Variants in MISP observed in about 807,000 individuals in gnomAD.
MISP encodes the protein mitotic spindle positioning.
Under a neutral mutation model 49.3 loss-of-function variants are expected in MISP, and 51 were observed. The observed-to-expected ratio is 1.03, with a 90% CI of 0.83 to 1.31. The LOEUF is 1.31. Among genes scored for constraint, MISP ranks in the 50% most tolerant of loss-of-function variants. The pLI is 0.00. For missense variants in MISP, 1,084 were observed against 935.1 expected, an observed-to-expected ratio of 1.16 and a Z score of -2.08; for synonymous variants, 444 against 392.6, an observed-to-expected ratio of 1.13 and a Z score of -1.55.
At chr19:750,038 G>A (rs2033435084), upstream of MISP, among the ~76,000 whole-genome samples, 1 of 151,968 alleles carries the variant, frequency 6.6e-6, no homozygotes, top group African/African-American at 2.4e-5. Flanking sequence ...AGGCCCAGTG[G>A]CCCGACTTCC....
At chr19:755,257 CG>C (rs1178356938) in intron 1 of MISP, among the ~76,000 whole-genome samples, 10 of 152,178 alleles carry the variant, frequency 6.6e-5, no homozygotes, top group Admixed American at 2.6e-4. Flanking sequence ...GGGCGAGAGC[CG>C]GAAGGCACTG....
rs770035314 is a variant in MISP at position 757,636 on chromosome 19, C to T, written c.690C>T (p.Ala230=). ...GCACAACCCCAGGGGCCAGCCAGGC[C>T]CCCAAGGCCTTCAACAAGCCCCACC... ...PAGTTPGASQ[A]PKAFNKPHLA... Residue 230 remains alanine (A), a synonymous_variant, in exon 2 of 5, where the codon GCC becomes GCT. Coordinates refer to ENST00000215582, the MANE Select transcript of MISP (RefSeq NM_173481.4). 6.2e-7 allele frequency: 1 copy of T among 1,612,756 alleles called. No individual in the cohort carries two copies. The highest frequency in any genetic ancestry group is 1.3e-5 in the African/African-American group (1 of 74,932).
At chr19:756,137 G>T (rs549957111) in intron 1 of MISP, among the ~76,000 whole-genome samples, 1 of 152,304 alleles carries the variant, frequency 6.6e-6, no homozygotes, top group East Asian at 1.9e-4. Flanking sequence ...TGCTTTGCTG[G>T]TGTTGGGGTT....
Position 762,518 on chromosome 19 carries a change from G to T in MISP, c.1950+855G>T, listed in dbSNP as rs1383708917. On this transcript the variant is annotated intron_variant, in intron 4 of 4. Transcript: ENST00000215582. ...TCCTCCCGCCTCCACCTCCCAAAGT[G>T]CTGGGATTACAGGTGTGAGCCACCG... Among the ~76,000 whole-genome samples, 9 of 152,182 alleles carry T rather than the reference G, an allele frequency of 5.9e-5. 1 individual carries two copies. The highest frequency in any genetic ancestry group is 1.0e-4 in the Non-Finnish European group (7 of 68,040).
Position 758,408 on chromosome 19 carries a change from C to T in MISP, c.1462C>T (p.Pro488Ser). Residue 488 changes from proline to serine, a missense_variant, in exon 2 of 5, where the codon CCT (proline) becomes TCT (serine). Coordinates refer to ENST00000215582, the MANE Select transcript of MISP (RefSeq NM_173481.4). ...CACAAAGCAAGAGGCATCGAAGCCC[C>T]CTCGGGGATGCCCGCAAGCCAACAG... ...LSTKQEASKP[P>S]RGCPQANRGV... 1 of 1,614,210 alleles carries T rather than the reference C, an allele frequency of 6.2e-7. No homozygotes were observed. The highest frequency in any genetic ancestry group is 8.5e-7 in the Non-Finnish European group (1 of 1,180,032).
At chr19:752,267 C>T (rs1249147193) in intron 1 of MISP, among the ~76,000 whole-genome samples, 1 of 152,190 alleles carries the variant, frequency 6.6e-6, no homozygotes, top group East Asian at 1.9e-4. Context: ...GGCTCTTCCC[C>T]CGAGGGCAGC....
Position 758,698 on chromosome 19 carries a change from G to C in MISP, c.1752G>C (p.Gln584His), listed in dbSNP as rs754524089. The change falls in exon 2 of 5, where the codon CAG becomes CAC. Residue 584 changes from glutamine to histidine, a missense_variant. Coordinates refer to ENST00000215582, the MANE Select transcript of MISP (RefSeq NM_173481.4). ...CAACGCCAGATGAGAACTCTGACCAGAACTCCAGGAGCTCCTCCCAGGCAT... is the reference window on the plus strand; with the variant it reads ...CAACGCCAGATGAGAACTCTGACCACAACTCCAGGAGCTCCTCCCAGGCAT... Reference protein sequence around the residue: ...FSPTPDENSDQNSRSSSQASG... With the variant: ...FSPTPDENSDHNSRSSSQASG... 5.0e-6 allele frequency: 8 copies of C among 1,613,754 alleles called. No homozygotes were observed. In the East Asian group the frequency reaches 1.8e-4, roughly 36 times the overall value.
Position 763,531 on chromosome 19 carries a change from A to G in MISP, c.1981A>G (p.Lys661Glu). The change falls in exon 5 of 5, where the codon AAG becomes GAG. Residue 661 changes from lysine (K) to glutamate (E), a missense_variant. Physicochemically the swap from Lys to Glu is moderately conservative, Grantham distance 56. Coordinates refer to ENST00000215582, the MANE Select transcript of MISP (RefSeq NM_173481.4). ...GGAAGCCATACGGGTGACCCGTCACAAGAACGCCATGGCAGAGCGCTGGGA... is the reference window on the plus strand; with the variant it reads ...GGAAGCCATACGGGTGACCCGTCACGAGAACGCCATGGCAGAGCGCTGGGA... The part of the protein sequence containing the change: ...VLEAIRVTRH[K>E]NAMAERWESR... 1 of 1,614,122 alleles carries G rather than the reference A, an allele frequency of 6.2e-7. No individual in the cohort carries two copies. The highest frequency in any genetic ancestry group is 8.5e-7 in the Non-Finnish European group (1 of 1,180,002).
chr19:750,583 C>A (rs12459842), upstream of MISP, among the ~76,000 whole-genome samples: 3 of 152,098 alleles, frequency 2.0e-5, no homozygotes, highest in African/African-American at 7.2e-5. Flanking sequence ...TGTTCCCCCA[C>A]GTCCCGGAGG....
rs762779634 is a variant in MISP at position 757,600 on chromosome 19, G to A, written c.654G>A (p.Gly218=). 6.2e-6 allele frequency: 10 copies of A among 1,612,556 alleles called. No homozygotes were observed. The highest frequency in any genetic ancestry group is 3.3e-4 in the Middle Eastern group (2 of 6,082). Residue 218 remains glycine, a synonymous_variant, in exon 2 of 5, where the codon GGG becomes GGA. Transcript: ENST00000215582. ...CCCCTCATAGCTCCCCGGCCAGGGG[G>A]ACCCCTGCAGGCACAACCCCAGGGG... ...KGAPHSSPAR[G]TPAGTTPGAS... is the part of the protein sequence containing the mutation.
Position 763,577 on chromosome 19 carries a change from A to G in MISP, c.2027A>G (p.Glu676Gly), listed in dbSNP as rs748667644. Residue 676 changes from glutamate (E) to glycine (G), a missense_variant, in exon 5 of 5, where the codon GAG becomes GGG. Coordinates refer to ENST00000215582, the MANE Select transcript of MISP (RefSeq NM_173481.4). ...TGGGAATCCCGCATCTACGCCAGTG[A>G]GGAGGATGACTGAGCCTCGGGATGG... The part of the protein sequence containing the change: ...ERWESRIYAS[E>G]EDD 1.2e-6 allele frequency: 2 copies of G among 1,613,704 alleles called. No homozygotes were observed. Among genetic ancestry groups the G allele is most frequent in the East Asian group, 4.5e-5 (2 of 44,848 alleles).
chr19:758,397 C>A lies in MISP; in HGVS notation c.1451C>A (p.Ala484Glu), dbSNP rs144203277. 12 of 1,614,116 alleles carry A rather than the reference C, an allele frequency of 7.4e-6. No homozygotes were observed. In the African/African-American group the frequency reaches 1.5e-4, roughly 20 times the overall value. The change falls in exon 2 of 5, where the codon GCA (alanine) becomes GAA (glutamate). Residue 484 changes from alanine to glutamate, a missense_variant. Coordinates refer to ENST00000215582, the MANE Select transcript of MISP (RefSeq NM_173481.4). Reference sequence around the variant, plus strand: ...AAACCCCTGAGCACAAAGCAAGAGGCATCGAAGCCCCCTCGGGGATGCCCG... The same window carrying A: ...AAACCCCTGAGCACAAAGCAAGAGGAATCGAAGCCCCCTCGGGGATGCCCG... ...SGKPLSTKQE[A>E]SKPPRGCPQA...
At chr19:755,617 G>A (rs2033537952) in intron 1 of MISP, among the ~76,000 whole-genome samples, 1 of 152,118 alleles carries the variant, frequency 6.6e-6, no homozygotes, top group Non-Finnish European at 1.5e-5. Flanking sequence ...TAAATATGGT[G>A]CGGCCAAGGA....
chr19:761,626 A>G lies in MISP; in HGVS notation c.1913A>G (p.Tyr638Cys). The change falls in exon 4 of 5, where the codon TAC (tyrosine) becomes TGC (cysteine). Residue 638 changes from tyrosine (Y) to cysteine (C), a missense_variant and splice_region_variant. Coordinates refer to ENST00000215582, the MANE Select transcript of MISP (RefSeq NM_173481.4). ...CTGACTTGTGTTCCTTTCCTGTAGTACGCTGGCATCAACCCCTCGGACGGT... is the reference window on the plus strand; with the variant it reads ...CTGACTTGTGTTCCTTTCCTGTAGTGCGCTGGCATCAACCCCTCGGACGGT... ...PPGQRKKEQW[Y>C]AGINPSDGIN... The G allele has an allele frequency of 6.2e-7, 1 of 1,614,100 alleles. No homozygotes were observed. Among genetic ancestry groups the G allele is most frequent in the Non-Finnish European group, 8.5e-7 (1 of 1,180,018 alleles).
chr19:760,847 G>T lies in MISP; in HGVS notation c.1912-778G>T, dbSNP rs117923235. The stretch of plus-strand genomic sequence containing the variant: ...GAACCACACCTTTAGCACCCTGGTG[G>T]TCTCACATGCCCAGGGTTAGGCAGC... On this transcript the variant is annotated intron_variant, in intron 3 of 4. Transcript: ENST00000215582. Among the ~76,000 whole-genome samples, 155 of 152,108 alleles carry T rather than the reference G, an allele frequency of 1.0e-3. 1 individual carries two copies. The East Asian group carries it at 0.027, about 26-fold the overall frequency.
rs568714107 is a variant in MISP, at chr19:759,403, T to G, written c.1781-506T>G. On this transcript the variant is annotated intron_variant, in intron 2 of 4. Transcript: ENST00000215582. ...ATTCCTTGTGTCACTTTTAATGTTT[T>G]TTTTTTTTTTTTTTGAGATGGAGTC... Among the ~76,000 whole-genome samples the G allele has an allele frequency of 5.2e-3, 759 of 146,938 alleles. 8 individuals carry two copies. The highest frequency in any genetic ancestry group is 0.018 in the African/African-American group (720 of 39,976).
intron 1 of MISP, among the ~76,000 whole-genome samples, chr19:755,987 G>C (rs1568241283): frequency 6.6e-6 from 1 of 151,956 alleles, no homozygotes; most frequent in East Asian, 1.9e-4. Flanking sequence ...GTGTGTGTCT[G>C]GGAGATAAGG....
intron 4 of MISP, 127 bp downstream of exon 4, chr19:761,790 A>G: frequency 1.0e-6 from 1 of 985,934 alleles, no homozygotes; most frequent in Non-Finnish European, 1.6e-6. Context: ...CTCAATTGGT[A>G]GTGTCTGCTC....
chr19:750,759 C>T (rs900896453), upstream of MISP, among the ~76,000 whole-genome samples: 21 of 152,298 alleles, frequency 1.4e-4, no homozygotes, highest in African/African-American at 4.1e-4. Context: ...TCAGCCCCTC[C>T]GGCCCCCCAG....
Sources: gnomAD v4.1 joint callset for allele counts (sites outside exome capture counted in the v4.1 genomes callset) on GRCh38, gnomAD v4.1.1 for gene constraint, MANE v1.5 for transcripts, NCBI Gene and HGNC (gene_info 2026-07-23, HGNC 2026-07-21) for gene names.